The following CDKL3 variants were observed in gnomAD, a reference collection of about 807,000 sequenced individuals.
CDKL3 encodes the protein cyclin dependent kinase like 3.
A neutral mutation model predicts 69.3 loss-of-function variants in CDKL3; 65 were observed. That is an observed-to-expected ratio of 0.94 (90% confidence interval 0.77 to 1.15). The LOEUF is 1.15. CDKL3 is among the 50% of genes most tolerant of loss of function. The probability of loss-of-function intolerance (pLI) is 0.00; values close to 1 mark genes in which losing one functional copy is unlikely to be tolerated. For synonymous variants in CDKL3, 202 were observed against 221.6 expected, an observed-to-expected ratio of 0.91 and a Z score of 0.79; for missense variants, 652 against 689.2, an observed-to-expected ratio of 0.95 and a Z score of 0.61.
intron 12 of CDKL3, chr5:134,299,552 G>T: frequency 8.3e-7 from 1 of 1,197,770 alleles, no homozygotes; most frequent in Non-Finnish European, 1.1e-6. Context: ...AAATTTAGGT[G>T]AATGTACATA....
upstream of CDKL3, chr5:134,371,519 C>G (rs1297016382): frequency 3.3e-6 from 5 of 1,511,832 alleles, no homozygotes; most frequent in Non-Finnish European, 4.4e-6. Context: ...CACAGTGATT[C>G]GGCCGCCGCG....
intron 8 of CDKL3, among the ~76,000 whole-genome samples, chr5:134,293,009 T>A: frequency 1.1e-5 from 1 of 92,034 alleles, no homozygotes; most frequent in Non-Finnish European, 2.0e-5. Context: ...TTTCTTTTTT[T>A]TTTTTTTTTT....
chr5:134,363,059 T>C (rs1464492783), intron 2 of CDKL3, among the ~76,000 whole-genome samples: 1 of 152,184 alleles, frequency 6.6e-6, no homozygotes, highest in Non-Finnish European at 1.5e-5. Context: ...TACTGGTTAG[T>C]TTTCCAAAAT....
intron 11 of CDKL3, among the ~76,000 whole-genome samples, chr5:134,303,519 A>G (rs1453080603): frequency 6.6e-6 from 1 of 152,222 alleles, no homozygotes; most frequent in Non-Finnish European, 1.5e-5. Flanking sequence ...ATACTATTCT[A>G]ACATTTCAAC....
chr5:134,349,807 T>C (rs1005127291), intron 4 of CDKL3, among the ~76,000 whole-genome samples: 1 of 152,100 alleles, frequency 6.6e-6, no homozygotes, highest in Non-Finnish European at 1.5e-5. Context: ...AAGGTGTCCC[T>C]CTTCTTAGCC....
At chr5:134,353,798 T>G (rs886664048) in intron 3 of CDKL3, among the ~76,000 whole-genome samples, 1 of 152,112 alleles carries the variant, frequency 6.6e-6, no homozygotes, top group Non-Finnish European at 1.5e-5. Context: ...GACCTTGTGA[T>G]CCGCCCGCCT....
chr5:134,300,716 T>C (rs1234911502), intron 12 of CDKL3, among the ~76,000 whole-genome samples: 1 of 152,198 alleles, frequency 6.6e-6, no homozygotes, highest in East Asian at 1.9e-4. Flanking sequence ...TAATTTATTA[T>C]TTATCCTAAA....
chr5:134,287,137 C>T (rs971027757), intron 8 of CDKL3, among the ~76,000 whole-genome samples: 2 of 151,968 alleles, frequency 1.3e-5, no homozygotes, highest in African/African-American at 4.8e-5. Flanking sequence ...AAAATGATGA[C>T]ATGTGACAAA....
Position 134,359,894 on chromosome 5 carries a change from T to A in CDKL3, c.360+3A>T. 6.4e-7 allele frequency: 1 copy of A among 1,566,926 alleles called. No individual in the cohort carries two copies. Among genetic ancestry groups the A allele is most frequent in the Non-Finnish European group, 8.6e-7 (1 of 1,156,374 alleles). ...ACAAATTGGCTTATTCTGAAGCACT[T>A]ACATTATTACTGTGAAGATAGTCAA... On this transcript the variant is annotated splice_donor_region_variant and intron_variant, in intron 3 of 12. Transcript: ENST00000265334.
chr5:134,346,488 A>T (rs954607913), intron 4 of CDKL3, among the ~76,000 whole-genome samples: 2 of 152,086 alleles, frequency 1.3e-5, no homozygotes, highest in Non-Finnish European at 2.9e-5. Flanking sequence ...ACAGGTAGGG[A>T]AAAGGTATTA....
intron 4 of CDKL3, among the ~76,000 whole-genome samples, chr5:134,326,768 T>G (rs1774307635): frequency 6.7e-6 from 1 of 148,150 alleles, no homozygotes; most frequent in African/African-American, 2.5e-5. Flanking sequence ...AGAATTATTT[T>G]TTTAAACACA....
At chr5:134,314,890 G>C (rs1770590094) in intron 6 of CDKL3, among the ~76,000 whole-genome samples, 1 of 152,156 alleles carries the variant, frequency 6.6e-6, no homozygotes, top group Non-Finnish European at 1.5e-5. Flanking sequence ...TTGTGTGTGT[G>C]TGTGTTAGGT....
At chr5:134,343,399 G>A (rs1159624811) in intron 4 of CDKL3, among the ~76,000 whole-genome samples, 1 of 152,140 alleles carries the variant, frequency 6.6e-6, no homozygotes, top group African/African-American at 2.4e-5. Flanking sequence ...TCATTCCTGG[G>A]CGTAGGCTGG....
intron 8 of CDKL3, among the ~76,000 whole-genome samples, chr5:134,290,259 C>A (rs1765066925): frequency 6.9e-6 from 1 of 144,664 alleles, no homozygotes; most frequent in Non-Finnish European, 1.5e-5. Context: ...GAGACTGAGG[C>A]AGGAGAATCT....
chr5:134,365,257 G>A (rs775941036), intron 2 of CDKL3, among the ~76,000 whole-genome samples: 9 of 151,912 alleles, frequency 5.9e-5, no homozygotes, highest in South Asian at 4.2e-4. Flanking sequence ...CGCTGGGAGC[G>A]TGAGCCACCG....
intron 6 of CDKL3, among the ~76,000 whole-genome samples, chr5:134,312,729 T>C (rs1359747306): frequency 6.6e-6 from 1 of 152,248 alleles, no homozygotes; most frequent in Non-Finnish European, 1.5e-5. Flanking sequence ...ATTTTACAGA[T>C]CTAGAAGCAT....
intron 8 of CDKL3, among the ~76,000 whole-genome samples, chr5:134,290,648 T>A (rs1385067195): frequency 6.6e-6 from 1 of 151,798 alleles, no homozygotes; most frequent in Non-Finnish European, 1.5e-5. Flanking sequence ...CTGAGTGAAG[T>A]GGGAAGCCAT....
At chr5:134,320,280 C>T (rs959018534) in intron 5 of CDKL3, among the ~76,000 whole-genome samples, 8 of 152,168 alleles carry the variant, frequency 5.3e-5, no homozygotes, top group African/African-American at 1.9e-4. Context: ...ATCTTCCCCA[C>T]CACACAAAGA....
At chr5:134,350,472 T>C (rs1474560808) in intron 3 of CDKL3, 45 bp from the exon 4 acceptor site, 2 of 1,298,110 alleles carry the variant, frequency 1.5e-6, no homozygotes, top group South Asian at 2.7e-5. Context: ...TGAGATTTCA[T>C]TATCCAGAAT....
Sources: gnomAD v4.1 joint callset for allele counts (sites outside exome capture counted in the v4.1 genomes callset) on GRCh38, gnomAD v4.1.1 for gene constraint, MANE v1.5 for transcripts, NCBI Gene and HGNC (gene_info 2026-07-23, HGNC 2026-07-21) for gene names.